Variants in CDHR1 observed in about 807,000 individuals in gnomAD.
The protein encoded by CDHR1 is cadherin-related family member 1.
Under a neutral mutation model 72.1 loss-of-function variants are expected in CDHR1, and 61 were observed. That is an observed-to-expected ratio of 0.85 (90% CI 0.69 to 1.05). The LOEUF (loss-of-function observed/expected upper bound fraction) is 1.05, where lower values mean the gene tolerates loss of function less well. Among genes scored for constraint, CDHR1 ranks in the 50% least tolerant of loss-of-function variants. CDHR1 has a pLI of 0.00. For synonymous variants in CDHR1, 470 were observed against 448.1 expected (o/e 1.05, Z -0.62); for missense variants, 1,186 against 1,115.7 (o/e 1.06, Z -0.90).
intron 9 of CDHR1, 73 bp from the exon 10 acceptor site, chr10:84,205,754 G>C (rs942096944): frequency 2.0e-6 from 2 of 982,394 alleles, no homozygotes; most frequent in East Asian, 2.4e-5. Context: ...AATGCAGGAC[G>C]ATCCTGTGGC....
At chr10:84,202,432 C>T (rs1479917161) in intron 7 of CDHR1, among the ~76,000 whole-genome samples, 1 of 152,238 alleles carries the variant, frequency 6.6e-6, no homozygotes, top group Non-Finnish European at 1.5e-5. Flanking sequence ...AAAACCCTAG[C>T]AGCCCCTCTA....
chr10:84,219,079 G>T, downstream of CDHR1: 1 of 993,304 alleles, frequency 1.0e-6, no homozygotes, highest in Non-Finnish European at 1.5e-6. Context: ...TATTTTATAG[G>T]TGAGAAGACT....
At chr10:84,197,702 G>A in intron 3 of CDHR1, 84 bp from the exon 4 acceptor site, 1 of 1,266,658 alleles carries the variant, frequency 7.9e-7, no homozygotes, top group Non-Finnish European at 1.2e-6. Context: ...ATGGGTGCGT[G>A]GGGCAGGGAG....
rs147972961 is a variant in CDHR1 at position 84,211,111 on chromosome 10, C to T, written c.1431C>T (p.Tyr477=). The T allele has an allele frequency of 2.4e-4, 382 of 1,614,264 alleles. No individual in the cohort carries two copies. Among genetic ancestry groups the T allele is most frequent in the Middle Eastern group, 3.3e-4 (2 of 6,062 alleles). Residue 477 remains tyrosine, a synonymous_variant, in exon 13 of 17, where the codon TAC becomes TAT. Transcript: ENST00000623527. ...TCCCCAAGTTCGACTCCCTCTACTA[C>T]GTTGCCAGGATTCCTGAGAACGCCC... The part of the protein sequence containing the change: ...DNVPKFDSLY[Y]VARIPENAPG...
intron 9 of CDHR1, 132 bp from the exon 10 acceptor site, chr10:84,205,695 T>G: frequency 1.4e-6 from 1 of 713,158 alleles, no homozygotes; most frequent in Non-Finnish European, 2.5e-6. Flanking sequence ...GTTTCCATGT[T>G]GACAAGACAC....
At position 84,194,576 on chromosome 10, in the gene CDHR1, G is replaced by C. The variant is rs1841992392; in HGVS notation, c.-185G>C. On this transcript the variant is annotated 5_prime_UTR_variant, in exon 1 of 17. Coordinates refer to ENST00000623527, the MANE Select transcript of CDHR1 (RefSeq NM_033100.4). ...TCAGGCGGCCGGCAGGAGCAGATCC[G>C]AGCCGTGTCATCCTCTTAGCGCCCT... 2 of 477,086 alleles carry C rather than the reference G, an allele frequency of 4.2e-6. No homozygotes were observed. The highest frequency in any genetic ancestry group is 2.1e-5 in the African/African-American group (1 of 48,330). 29.6% of individuals were successfully genotyped at this position (477,086 alleles called of 1,614,324 possible). A position where few individuals can be genotyped will look rare whatever the true frequency, so the allele number is the denominator to read the frequency against.
At chr10:84,198,370 C>T (rs11200916) in intron 4 of CDHR1, among the ~76,000 whole-genome samples, 11,467 of 152,316 alleles carry the variant, frequency 0.075, 554 homozygotes, top group East Asian at 0.2. Flanking sequence ...TAAGCTTCTG[C>T]CTGGTGTTCC....
rs1158772648 is a variant in CDHR1, at chr10:84,215,491, G to A, written c.*870G>A. On this transcript the variant is annotated 3_prime_UTR_variant, in exon 17 of 17. Coordinates refer to ENST00000623527, the MANE Select transcript of CDHR1 (RefSeq NM_033100.4). The stretch of plus-strand genomic sequence containing the variant: ...ATGAATATCAGGGCTGAGATGTGGT[G>A]AGACTTCCGTTTTTATCCAGCTCTT... 2 of 973,876 alleles carry A rather than the reference G, an allele frequency of 2.1e-6. No individual in the cohort carries two copies. The highest frequency in any genetic ancestry group is 2.4e-6 in the Non-Finnish European group (2 of 819,562). 60.3% of individuals were successfully genotyped at this position (973,876 alleles called of 1,614,324 possible).
chr10:84,209,434 G>T (rs1275970609), intron 12 of CDHR1, among the ~76,000 whole-genome samples: 2 of 152,164 alleles, frequency 1.3e-5, no homozygotes, highest in African/African-American at 4.8e-5. Flanking sequence ...GCTTAAAAGT[G>T]AAATACTATT....
At chr10:84,202,908 T>C in intron 7 of CDHR1, 72 bp from the exon 8 acceptor site, 1 of 1,591,116 alleles carries the variant, frequency 6.3e-7, no homozygotes, top group Non-Finnish European at 8.6e-7. Context: ...AGAAGCCAGG[T>C]TTTCACGGAT....
At position 84,217,187 on chromosome 10, in the gene CDHR1, G is replaced by A. The variant is rs1842439218; in HGVS notation, c.*2566G>A. The A allele has an allele frequency of 1.0e-6, 1 of 985,546 alleles. No individual in the cohort carries two copies. Among genetic ancestry groups the A allele is most frequent in the Non-Finnish European group, 1.2e-6 (1 of 830,016 alleles). 61.1% of individuals were successfully genotyped at this position (985,546 alleles called of 1,614,324 possible). ...CAGCCAAGTCCCTGTGTTACGAATG[G>A]TGGGCCAAGGGGCTGTCTGCTAGGT... On this transcript the variant is annotated 3_prime_UTR_variant, in exon 17 of 17. Transcript: ENST00000623527.
Position 84,200,556 on chromosome 10 carries a change from G to T in CDHR1, c.439-45G>T, listed in dbSNP as rs376650914. The T allele has an allele frequency of 8.0e-6, 11 of 1,366,562 alleles. No individual in the cohort carries two copies. The African/African-American group carries it at 8.6e-5, about 11-fold the overall frequency. 84.7% of individuals were successfully genotyped at this position (1,366,562 alleles called of 1,614,324 possible). A position where few individuals can be genotyped will look rare whatever the true frequency, so the allele number is the denominator to read the frequency against. On this transcript the variant is annotated intron_variant, in intron 5 of 16. Coordinates refer to ENST00000623527, the MANE Select transcript of CDHR1 (RefSeq NM_033100.4). ...CCTATGCCTCTGTCCCCCTGAGAAT[G>T]CTGTCACTGTCTCTGACCCTCCCCT...
intron 8 of CDHR1, 61 bp downstream of exon 8, chr10:84,203,184 G>A: frequency 6.2e-7 from 1 of 1,604,032 alleles, no homozygotes; most frequent in South Asian, 1.1e-5. Context: ...TGACCCTTGT[G>A]ATTTTAGGGA....
At chr10:84,195,302 G>A (rs1048518697) in intron 1 of CDHR1, among the ~76,000 whole-genome samples, 192 bp from the exon 2 acceptor site, 8 of 152,228 alleles carry the variant, frequency 5.3e-5, no homozygotes, top group African/African-American at 1.9e-4. Context: ...CCCACCGGGG[G>A]CGGAGTGGGG....
chr10:84,212,918 C>T, intron 15 of CDHR1, 173 bp from the exon 16 acceptor site: 1 of 791,586 alleles, frequency 1.3e-6, no homozygotes, highest in Non-Finnish European at 2.1e-6. Flanking sequence ...CCTACGTAAA[C>T]CCTGGCTTAT....
At chr10:84,204,752 CA>C (rs1842194539) in intron 9 of CDHR1, 147 bp downstream of exon 9, 1 of 656,314 alleles carries the variant, frequency 1.5e-6, no homozygotes. Context: ...CCAAGACAAG[CA>C]AGTCTCTGGG....
Position 84,217,647 on chromosome 10 carries a change from G to A in CDHR1, c.*3026G>A, listed in dbSNP as rs1216907044. 5 of 985,354 alleles carry A rather than the reference G, an allele frequency of 5.1e-6. No homozygotes were observed. Among genetic ancestry groups the A allele is most frequent in the Admixed American group, 1.2e-4 (2 of 16,264 alleles). 61.0% of individuals were successfully genotyped at this position (985,354 alleles called of 1,614,324 possible). On this transcript the variant is annotated 3_prime_UTR_variant, in exon 17 of 17. Coordinates refer to ENST00000623527, the MANE Select transcript of CDHR1 (RefSeq NM_033100.4). ...AGCTCAGTAGACACTTGCCGTGACT[G>A]TGGCCCACATACTAGAACACCATGT...
intron 5 of CDHR1, among the ~76,000 whole-genome samples, chr10:84,199,658 C>A (rs1353303361): frequency 6.6e-6 from 1 of 152,192 alleles, no homozygotes; most frequent in African/African-American, 2.4e-5. Context: ...ATTTTGCTAT[C>A]ATGAGACACA....
rs1842344544 is a variant in CDHR1 at position 84,212,208 on chromosome 10, T to C, written c.1583T>C (p.Ile528Thr). ...LFLIHPSTGL[I>T]YTQPWASLDA... ...CTGATCCACCCATCCACTGGGCTTA[T>C]CTACACCCAGCCCTGGGCTAGCCTG... Residue 528 changes from isoleucine (I) to threonine (T), a missense_variant, in exon 15 of 17, where the codon ATC (isoleucine) becomes ACC (threonine). Ile to Thr is a moderately conservative substitution (Grantham distance 89). Coordinates refer to ENST00000623527, the MANE Select transcript of CDHR1 (RefSeq NM_033100.4). The C allele has an allele frequency of 1.9e-6, 3 of 1,614,242 alleles. No homozygotes were observed. Among genetic ancestry groups the C allele is most frequent in the Non-Finnish European group, 1.7e-6 (2 of 1,180,044 alleles).
Sources: allele counts gnomAD v4.1 joint callset (sites outside exome capture counted in the v4.1 genomes callset), GRCh38; gene constraint gnomAD v4.1.1; transcripts MANE v1.5; gene names NCBI Gene and HGNC (gene_info 2026-07-23, HGNC 2026-07-21).